TESPA1: variants seen among roughly 807,000 people sequenced by gnomAD.
The protein encoded by TESPA1 is protein TESPA1.
In TESPA1, 33 loss-of-function variants were observed where a neutral mutation model predicts 57.9. The observed-to-expected ratio is 0.57, with a 90% CI of 0.43 to 0.76. The LOEUF (loss-of-function observed/expected upper bound fraction) is 0.76. Ranked by LOEUF, TESPA1 falls within the 30% of genes least tolerant of loss-of-function variation. TESPA1 has a pLI of 0.00. For synonymous variants in TESPA1, 227 were observed against 228.9 expected (o/e 0.99, Z 0.07); for missense variants, 618 against 632.9 (o/e 0.98, Z 0.25).
intron 1 of TESPA1, chr12:54,984,019 T>G (rs2136224402): frequency 6.6e-6 from 1 of 152,286 alleles, no homozygotes; most frequent in Non-Finnish European, 1.5e-5. Context: ...ACATCCTCCC[T>G]CGTAGCTGAC....
intron 10 of TESPA1, among the ~76,000 whole-genome samples, chr12:54,955,702 T>C (rs1401525280): frequency 5.3e-5 from 8 of 152,256 alleles, no homozygotes; most frequent in South Asian, 4.1e-4. Context: ...ATACATATCA[T>C]AGTCTGCTTC....
At chr12:54,953,766 C>A (rs1302581893) in intron 10 of TESPA1, among the ~76,000 whole-genome samples, 2 of 152,048 alleles carry the variant, frequency 1.3e-5, no homozygotes, top group Non-Finnish European at 2.9e-5. Flanking sequence ...GTGATCTGCC[C>A]GCCTCGGCCT....
intron 3 of TESPA1, among the ~76,000 whole-genome samples, chr12:54,969,837 A>G (rs1220283964): frequency 6.6e-6 from 1 of 152,350 alleles, no homozygotes; most frequent in Middle Eastern, 3.4e-3. Flanking sequence ...ACGGACGGAA[A>G]GGAGGCATTT....
In TESPA1 at chr12:54,949,465, A is replaced by G. The variant is rs1392315548; in HGVS notation, c.*927T>C. On this transcript the variant is annotated 3_prime_UTR_variant, in exon 11 of 11. Transcript: ENST00000449076. ...GAAATGCGTGCATCTTACTTCTCCC[A>G]TTCTATTAATATTAATATTTTCTCA... The G allele has an allele frequency of 6.7e-6, 1 of 149,716 alleles. No homozygotes were observed. The highest frequency in any genetic ancestry group is 1.5e-5 in the Non-Finnish European group (1 of 67,780). 9.3% of individuals were successfully genotyped at this position (149,716 alleles called of 1,614,324 possible).
chr12:54,979,496 C>T (rs1186461697), intron 1 of TESPA1, among the ~76,000 whole-genome samples: 1 of 152,184 alleles, frequency 6.6e-6, no homozygotes, highest in Non-Finnish European at 1.5e-5. Flanking sequence ...TTCCTCTTTT[C>T]TACATTTCTC....
At position 54,963,113 on chromosome 12, in the gene TESPA1, G is replaced by T. The variant is rs368234850; in HGVS notation, c.785C>A (p.Thr262Asn). 6.2e-7 allele frequency: 1 copy of T among 1,614,026 alleles called. No homozygotes were observed. The highest frequency in any genetic ancestry group is 1.1e-5 in the South Asian group (1 of 91,076). Reference sequence around the variant, plus strand: ...CAGAATCCTGATGGATGGCACATCAGTTGGATGGTTGCAATTCCAGAACAT... The same window carrying T: ...CAGAATCCTGATGGATGGCACATCATTTGGATGGTTGCAATTCCAGAACAT... Reference protein sequence around the residue: ...SHMFWNCNHPTDVPSIRILSR... With the variant: ...SHMFWNCNHPNDVPSIRILSR... Residue 262 changes from threonine to asparagine, a missense_variant, in exon 9 of 11, where the codon ACT becomes AAT. This residue lies in a region of TESPA1 where 409 missense variants were observed against 420.1 expected (regional missense o/e 0.97). Coordinates refer to ENST00000449076, the MANE Select transcript of TESPA1 (RefSeq NM_001136030.3).
rs369785136 is a variant in TESPA1 at position 54,962,687 on chromosome 12, G to A, written c.1211C>T (p.Thr404Ile). The A allele has an allele frequency of 3.2e-5, 51 of 1,613,872 alleles. No individual in the cohort carries two copies. In the African/African-American group the frequency reaches 4.8e-4, roughly 15 times the overall value. ...SLPIEDPQWS[T>I]DPAQIRRELC... ...CTCTCTCCTTATCTGAGCTGGGTCTGTGCTCCACTGTGGATCTTCTATGGG... is the reference window on the plus strand; with the variant it reads ...CTCTCTCCTTATCTGAGCTGGGTCTATGCTCCACTGTGGATCTTCTATGGG... Residue 404 changes from threonine to isoleucine, a missense_variant, in exon 9 of 11, where the codon ACA (threonine) becomes ATA (isoleucine). This residue lies in a region of TESPA1 where 409 missense variants were observed against 420.1 expected (regional missense o/e 0.97). Transcript: ENST00000449076.
intron 1 of TESPA1, among the ~76,000 whole-genome samples, chr12:54,975,917 T>C (rs938203342): frequency 6.6e-6 from 1 of 152,186 alleles, no homozygotes; most frequent in Non-Finnish European, 1.5e-5. Flanking sequence ...AATACATAAT[T>C]ACTGTTGTCT....
At chr12:54,966,974 A>C (rs1951479956) in intron 5 of TESPA1, among the ~76,000 whole-genome samples, 1 of 152,140 alleles carries the variant, frequency 6.6e-6, no homozygotes, top group Non-Finnish European at 1.5e-5. Flanking sequence ...AACCAGTAAG[A>C]GTCATGGTAG....
chr12:54,962,920 C>A lies in TESPA1; in HGVS notation c.978G>T (p.Glu326Asp). The A allele has an allele frequency of 6.2e-7, 1 of 1,613,796 alleles. No homozygotes were observed. The highest frequency in any genetic ancestry group is 1.1e-5 in the South Asian group (1 of 91,062). The change falls in exon 9 of 11, where the codon GAG becomes GAT. Residue 326 changes from glutamate (E) to aspartate (D), a missense_variant. By Grantham distance (45) the Glu-to-Asp change is conservative (BLOSUM62 2). Around this residue, in one of 3 missense-constraint regions of TESPA1, gnomAD observed 409 missense variants for 420.1 expected, o/e 0.97. Transcript: ENST00000449076. ...CAGAGTCTTGCTGGAGGAACTGCTT[C>A]TCTTCTTTCACTTTGTCCATCACTT... ...VLEVMDKVKE[E>D]KQFLQQDSDL...
chr12:54,963,022 C>T lies in TESPA1; in HGVS notation c.876G>A (p.Leu292=). ...RLRKAISKMC[L]YTCPRDRPPP... is the part of the protein sequence containing the mutation. ...GTGGCCGGTCTCGGGGGCATGTGTA[C>T]AGACACATCTTGGAGATGGCTTTCC... Residue 292 remains leucine, a synonymous_variant, in exon 9 of 11, where the codon CTG becomes CTA. Coordinates refer to ENST00000449076, the MANE Select transcript of TESPA1 (RefSeq NM_001136030.3). The T allele has an allele frequency of 1.2e-6, 2 of 1,613,864 alleles. No homozygotes were observed. The highest frequency in any genetic ancestry group is 2.2e-5 in the East Asian group (1 of 44,874).
At chr12:54,976,010 C>T (rs753309705) in intron 1 of TESPA1, among the ~76,000 whole-genome samples, 15 of 152,220 alleles carry the variant, frequency 9.9e-5, no homozygotes, top group Non-Finnish European at 1.9e-4. Context: ...TGAGACTTTG[C>T]TCTTTAACCC....
Position 54,950,108 on chromosome 12 carries a change from C to T in TESPA1, c.*284G>A, listed in dbSNP as rs1950288186. The stretch of plus-strand genomic sequence containing the variant: ...CATCCACATTATATATTTTAATACA[C>T]ACATAGTAGAGAAACCAGTGTACAG... On this transcript the variant is annotated 3_prime_UTR_variant, in exon 11 of 11. Transcript: ENST00000449076. The T allele has an allele frequency of 2.9e-6, 1 of 343,916 alleles. No homozygotes were observed. Among genetic ancestry groups the T allele is most frequent in the African/African-American group, 2.1e-5 (1 of 46,718 alleles). 21.3% of individuals were successfully genotyped at this position (343,916 alleles called of 1,614,324 possible). A position where few individuals can be genotyped will look rare whatever the true frequency, so the allele number is the denominator to read the frequency against.
chr12:54,958,591 G>T (rs1470817390), intron 10 of TESPA1, among the ~76,000 whole-genome samples: 1 of 151,806 alleles, frequency 6.6e-6, no homozygotes, highest in East Asian at 1.9e-4. Context: ...AATTATTATT[G>T]TTTCAGATAT....
intron 6 of TESPA1, 74 bp downstream of exon 6, chr12:54,966,314 A>C (rs1951428542): frequency 1.2e-6 from 2 of 1,605,650 alleles, no homozygotes. Flanking sequence ...TCTTTATTTT[A>C]ATCTCTTTGA....
intron 10 of TESPA1, among the ~76,000 whole-genome samples, chr12:54,953,065 C>T (rs1277014196): frequency 1.3e-5 from 2 of 151,978 alleles, no homozygotes; most frequent in African/African-American, 2.4e-5. Flanking sequence ...TCACATTTCT[C>T]CCTAGGTTTC....
chr12:54,961,158 G>A lies in TESPA1; in HGVS notation c.*1+10C>T, dbSNP rs1191632654. 6.2e-7 allele frequency: 1 copy of A among 1,613,866 alleles called. No homozygotes were observed. The highest frequency in any genetic ancestry group is 1.1e-5 in the South Asian group (1 of 91,064). The stretch of plus-strand genomic sequence containing the variant: ...CAGGTTTGAGAACTGCCTGAGAGAG[G>A]CCCACTTACTTCACGAGTCTTTGCC... On this transcript the variant is annotated intron_variant, in intron 10 of 10. Transcript: ENST00000449076.
intron 10 of TESPA1, among the ~76,000 whole-genome samples, chr12:54,959,476 C>G (rs1319274405): frequency 6.6e-6 from 1 of 152,206 alleles, no homozygotes; most frequent in Non-Finnish European, 1.5e-5. Context: ...TGGTTGAGCT[C>G]CTAGAAGTAA....
intron 4 of TESPA1, 101 bp from the exon 5 acceptor site, chr12:54,967,337 A>G: frequency 7.5e-7 from 1 of 1,329,826 alleles, no homozygotes; most frequent in Non-Finnish European, 1.0e-6. Context: ...ATGCCCTTAG[A>G]CTAGACTTGC....
Sources: allele counts gnomAD v4.1 joint callset (sites outside exome capture counted in the v4.1 genomes callset), GRCh38; gene constraint gnomAD v4.1.1; regional missense constraint gnomAD v4.1.1; transcripts MANE v1.5; gene names NCBI Gene and HGNC (gene_info 2026-07-23, HGNC 2026-07-21).